RCAN2: variants seen among roughly 807,000 people sequenced by gnomAD.
RCAN2 encodes regulator of calcineurin 2.
A neutral mutation model predicts 23.6 loss-of-function variants in RCAN2; 9 were observed. The ratio of observed to expected loss-of-function variants is 0.38; its 90% CI spans 0.23 to 0.67. The LOEUF (loss-of-function observed/expected upper bound fraction) is 0.67. Among genes scored for constraint, RCAN2 ranks in the 30% least tolerant of loss-of-function variants. The probability of loss-of-function intolerance (pLI) is 0.51; values close to 1 mark genes in which losing one functional copy is unlikely to be tolerated. For missense variants in RCAN2, 273 were observed against 302.3 expected (o/e 0.90, Z 0.72); for synonymous variants, 109 against 115.7 (o/e 0.94, Z 0.37).
chr6:46,238,544 G>A (rs1359303293), intron 4 of RCAN2, among the ~76,000 whole-genome samples: 2 of 152,184 alleles, frequency 1.3e-5, no homozygotes, highest in African/African-American at 4.8e-5. Flanking sequence ...GCTTAACACA[G>A]GCATTTAAAT....
At chr6:46,426,190 T>C (rs1755534247) in intron 2 of RCAN2, among the ~76,000 whole-genome samples, 1 of 152,172 alleles carries the variant, frequency 6.6e-6, no homozygotes, top group Non-Finnish European at 1.5e-5. Flanking sequence ...TGAGCCACCA[T>C]GCCCAGCTGA....
intron 2 of RCAN2, among the ~76,000 whole-genome samples, chr6:46,293,292 C>G (rs1027039422): frequency 1.3e-5 from 2 of 152,172 alleles, no homozygotes; most frequent in African/African-American, 4.8e-5. Flanking sequence ...GCTGAAAAAA[C>G]TACATGCTAT....
At chr6:46,228,369 G>A (rs1381529976) in intron 4 of RCAN2, among the ~76,000 whole-genome samples, 1 of 152,172 alleles carries the variant, frequency 6.6e-6, no homozygotes, top group Non-Finnish European at 1.5e-5. Flanking sequence ...AATGTTGACA[G>A]TGGGGTGTTA....
At chr6:46,419,175 T>C (rs915568941) in intron 2 of RCAN2, among the ~76,000 whole-genome samples, 2 of 152,108 alleles carry the variant, frequency 1.3e-5, no homozygotes, top group African/African-American at 4.8e-5. Context: ...ATGTGGAAAG[T>C]TTGAAACCAG....
intron 2 of RCAN2, among the ~76,000 whole-genome samples, chr6:46,288,574 C>A (rs922250539): frequency 6.6e-6 from 1 of 152,234 alleles, no homozygotes; most frequent in South Asian, 2.1e-4. Flanking sequence ...CCTATCTAAA[C>A]ATATTCAAAA....
chr6:46,230,909 G>A (rs1280977681), intron 4 of RCAN2, among the ~76,000 whole-genome samples: 1 of 152,174 alleles, frequency 6.6e-6, no homozygotes, highest in Non-Finnish European at 1.5e-5. Context: ...CCAAGGTACA[G>A]TTTTAAATTC....
At chr6:46,350,050 T>C (rs1764598643) in intron 2 of RCAN2, among the ~76,000 whole-genome samples, 1 of 152,224 alleles carries the variant, frequency 6.6e-6, no homozygotes. Context: ...GTAGCATTTA[T>C]TACCACCTAT....
rs543590048 is a variant in RCAN2, at chr6:46,288,072, T to C, written c.226-39176A>G. Reference sequence around the variant, plus strand: ...CATCCAATGAATATATTCCTGAGCGTTCTTCCTAATTAAGGACTTAAATAA... The same window carrying C: ...CATCCAATGAATATATTCCTGAGCGCTCTTCCTAATTAAGGACTTAAATAA... On this transcript the variant is annotated intron_variant, in intron 2 of 4. Coordinates refer to ENST00000371374, the MANE Select transcript of RCAN2 (RefSeq NM_001251974.2). Among the ~76,000 whole-genome samples, 4 of 152,284 alleles carry C rather than the reference T, an allele frequency of 2.6e-5. No homozygotes were observed. The South Asian group carries it at 6.2e-4, about 24-fold the overall frequency.
At chr6:46,274,848 G>C (rs949439658) in intron 2 of RCAN2, among the ~76,000 whole-genome samples, 1 of 152,214 alleles carries the variant, frequency 6.6e-6, no homozygotes, top group Admixed American at 6.5e-5. Context: ...GGTAGGCTGA[G>C]AGAGCAGGAT....
At chr6:46,270,056 G>C (rs940574539) in intron 2 of RCAN2, among the ~76,000 whole-genome samples, 1 of 152,084 alleles carries the variant, frequency 6.6e-6, no homozygotes, top group Non-Finnish European at 1.5e-5. Flanking sequence ...TGATTGCTGC[G>C]GGCCTGCTTG....
intron 1 of RCAN2, among the ~76,000 whole-genome samples, chr6:46,490,060 A>T (rs1769097918): frequency 6.6e-6 from 1 of 152,184 alleles, no homozygotes; most frequent in South Asian, 2.1e-4. Flanking sequence ...GTTGCGTGGT[A>T]CCTTGTGGTA....
chr6:46,417,333 G>A (rs925243098), intron 2 of RCAN2, among the ~76,000 whole-genome samples: 2 of 152,118 alleles, frequency 1.3e-5, no homozygotes, highest in African/African-American at 4.8e-5. Context: ...GTTTGGATGT[G>A]CATATCTTAC....
At chr6:46,401,348 C>T (rs966394188) in intron 2 of RCAN2, among the ~76,000 whole-genome samples, 3 of 152,126 alleles carry the variant, frequency 2.0e-5, no homozygotes, top group East Asian at 1.9e-4. Context: ...ACCCCTGGGC[C>T]TTTGTCAGGG....
chr6:46,464,227 A>G (rs938797738), intron 1 of RCAN2, among the ~76,000 whole-genome samples: 1 of 152,242 alleles, frequency 6.6e-6, no homozygotes, highest in Non-Finnish European at 1.5e-5. Context: ...AAATGAGCCA[A>G]GTTCAGAATT....
At chr6:46,372,980 G>A (rs909929081) in intron 2 of RCAN2, among the ~76,000 whole-genome samples, 4 of 152,166 alleles carry the variant, frequency 2.6e-5, no homozygotes, top group Admixed American at 6.5e-5. Flanking sequence ...AATGACATTC[G>A]TAGTGAATAT....
intron 2 of RCAN2, among the ~76,000 whole-genome samples, chr6:46,448,786 C>T (rs1173341732): frequency 6.6e-6 from 1 of 151,754 alleles, no homozygotes; most frequent in Non-Finnish European, 1.5e-5. Flanking sequence ...CCCTCTTTCA[C>T]AATAAAAATT....
chr6:46,424,032 C>T lies in RCAN2; in HGVS notation c.225+32720G>A, dbSNP rs548034285. Among the ~76,000 whole-genome samples the T allele has an allele frequency of 3.9e-5, 6 of 152,270 alleles. No homozygotes were observed. The East Asian group carries it at 1.2e-3, about 29-fold the overall frequency. On this transcript the variant is annotated intron_variant, in intron 2 of 4. Transcript: ENST00000371374. Reference sequence around the variant, plus strand: ...TTCTCGAACCTGCGAGCTAACCACTCTGTACCACCATCCCAGCAGCCCTGC... The same window carrying T: ...TTCTCGAACCTGCGAGCTAACCACTTTGTACCACCATCCCAGCAGCCCTGC...
chr6:46,325,427 A>G, intron 2 of RCAN2: 1 of 1,614,188 alleles, frequency 6.2e-7, no homozygotes, highest in Non-Finnish European at 8.5e-7. Context: ...CTCGACATCC[A>G]CCACACAGGC....
intron 2 of RCAN2, among the ~76,000 whole-genome samples, chr6:46,410,096 T>G (rs1056753015): frequency 2.6e-5 from 4 of 152,190 alleles, no homozygotes; most frequent in African/African-American, 9.7e-5. Flanking sequence ...AGCCTTAGAA[T>G]TCTGGTATTT....
Sources: allele counts gnomAD v4.1 joint callset (sites outside exome capture counted in the v4.1 genomes callset), GRCh38; gene constraint gnomAD v4.1.1; transcripts MANE v1.5; gene names NCBI Gene and HGNC (gene_info 2026-07-23, HGNC 2026-07-21).